PIK3C2G: variants seen among roughly 807,000 people sequenced by gnomAD.
PIK3C2G encodes phosphatidylinositol-4-phosphate 3-kinase catalytic subunit type 2 gamma.
Under a neutral mutation model 181.1 loss-of-function variants are expected in PIK3C2G, and 168 were observed. That is an observed-to-expected ratio of 0.93 (90% CI 0.82 to 1.05). PIK3C2G has a LOEUF of 1.05. PIK3C2G is among the 50% of genes least tolerant of loss of function. PIK3C2G has a pLI of 0.00. For missense variants in PIK3C2G, 1,869 were observed against 1,732.8 expected, an observed-to-expected ratio of 1.08 and a Z score of -1.40; for synonymous variants, 573 against 592.2, an observed-to-expected ratio of 0.97 and a Z score of 0.47.
intron 1 of PIK3C2G, among the ~76,000 whole-genome samples, chr12:18,269,724 C>G (rs747892436): frequency 9.9e-5 from 15 of 151,742 alleles, no homozygotes; most frequent in Admixed American, 6.6e-5. Context: ...ATAATGCTTA[C>G]GCAAAATGGA....
intron 1 of PIK3C2G, among the ~76,000 whole-genome samples, chr12:18,278,499 C>T (rs544837233): frequency 3.3e-4 from 51 of 152,264 alleles, no homozygotes; most frequent in African/African-American, 1.1e-3. Flanking sequence ...AGCCTTAAAT[C>T]CTCTTTGCCA....
chr12:18,609,696 C>A, intron 31 of PIK3C2G, 67 bp downstream of exon 31: 3 of 876,326 alleles, frequency 3.4e-6, no homozygotes, highest in Non-Finnish European at 5.5e-6. Flanking sequence ...CTCCTTTGGG[C>A]AATTAGTGTC....
intron 18 of PIK3C2G, among the ~76,000 whole-genome samples, chr12:18,449,019 G>A (rs1947188063): frequency 1.3e-5 from 2 of 151,948 alleles, no homozygotes; most frequent in Non-Finnish European, 2.9e-5. Flanking sequence ...AGGGATTGCT[G>A]GATCATATGG....
At chr12:18,653,889 G>T in the PIK3C2G span, among the ~76,000 whole-genome samples, 2 of 152,004 alleles carry the variant, frequency 1.3e-5, no homozygotes, top group African/African-American at 2.4e-5. Context: ...TGAGATTATT[G>T]CATGCCCCAA....
At chr12:18,513,607 G>A (rs1942348505) in intron 24 of PIK3C2G, among the ~76,000 whole-genome samples, 1 of 151,586 alleles carries the variant, frequency 6.6e-6, no homozygotes, top group African/African-American at 2.4e-5. Context: ...ATTTTTTAAT[G>A]ATCCTTTCTA....
rs3055219 is a variant in PIK3C2G at position 18,620,244 on chromosome 12, ATCTC to A, written c.4182+10619_4182+10622del. 6.9e-3 allele frequency among the ~76,000 whole-genome samples: 1,054 copies of A among 152,228 alleles called. 6 individuals carry two copies. The highest frequency in any genetic ancestry group is 9.1e-3 in the African/African-American group (378 of 41,534). ...GAATAATTAAGAGAAAGGTATTAAA[ATCTC>A]TCTAATTTTTAATTTGTATAATGTT... On this transcript the variant is annotated intron_variant, in intron 31 of 32. Transcript: ENST00000538779.
At chr12:18,677,423 A>G in the PIK3C2G span, among the ~76,000 whole-genome samples, 2 of 152,212 alleles carry the variant, frequency 1.3e-5, no homozygotes, top group East Asian at 3.9e-4. Context: ...CTCAAATCTG[A>G]GCATGCATCT....
At position 18,580,004 on chromosome 12, in the gene PIK3C2G, G is replaced by A. The variant is rs532228950; in HGVS notation, c.4011+12947G>A. ...AAAAATTAGCCAGGCGTGGTGGCGCGCACCTGTAGTCCCAGCTACTTGGGA... is the reference window on the plus strand; with the variant it reads ...AAAAATTAGCCAGGCGTGGTGGCGCACACCTGTAGTCCCAGCTACTTGGGA... On this transcript the variant is annotated intron_variant, in intron 29 of 32. Transcript: ENST00000538779. 1.2e-4 allele frequency among the ~76,000 whole-genome samples: 18 copies of A among 152,000 alleles called. No individual in the cohort carries two copies. In the East Asian group the frequency reaches 2.3e-3, roughly 20 times the overall value.
intron 8 of PIK3C2G, among the ~76,000 whole-genome samples, chr12:18,337,322 G>A (rs1002316831): frequency 3.3e-5 from 5 of 152,000 alleles, no homozygotes; most frequent in Non-Finnish European, 5.9e-5. Context: ...GATACAGAAC[G>A]GCTAATGAAA....
intron 32 of PIK3C2G, among the ~76,000 whole-genome samples, chr12:18,646,494 G>A (rs1276505363): frequency 6.6e-6 from 1 of 152,064 alleles, no homozygotes; most frequent in Non-Finnish European, 1.5e-5. Context: ...CTAACAGATT[G>A]ACCTGGAACT....
chr12:18,650,151 T>C (rs1950354581), downstream of PIK3C2G, among the ~76,000 whole-genome samples: 2 of 151,946 alleles, frequency 1.3e-5, no homozygotes, highest in East Asian at 3.9e-4. Context: ...AAACTCAGTA[T>C]CCCCAAAAGT....
intron 15 of PIK3C2G, among the ~76,000 whole-genome samples, chr12:18,393,518 A>G: frequency 6.6e-6 from 1 of 151,502 alleles, no homozygotes; most frequent in African/African-American, 2.4e-5. Context: ...TGATATTTGT[A>G]AAAAATAAAA....
intron 30 of PIK3C2G, among the ~76,000 whole-genome samples, chr12:18,607,882 G>A (rs1186175492): frequency 6.6e-6 from 1 of 152,112 alleles, no homozygotes; most frequent in Non-Finnish European, 1.5e-5. Flanking sequence ...ATCAACAAGT[G>A]GGCGAAGAAT....
intron 1 of PIK3C2G, among the ~76,000 whole-genome samples, chr12:18,279,851 A>C (rs530119804): frequency 4.6e-5 from 7 of 152,016 alleles, no homozygotes; most frequent in Non-Finnish European, 8.8e-5. Flanking sequence ...ATTTACATAC[A>C]TCTCTTGAAA....
intron 24 of PIK3C2G, among the ~76,000 whole-genome samples, chr12:18,507,522 T>C (rs1174829382): frequency 6.6e-6 from 1 of 152,200 alleles, no homozygotes; most frequent in Non-Finnish European, 1.5e-5. Flanking sequence ...GTACAGACCA[T>C]GAGAATGTCA....
At chr12:18,639,606 T>G (rs957520584) in intron 31 of PIK3C2G, among the ~76,000 whole-genome samples, 1 of 152,218 alleles carries the variant, frequency 6.6e-6, no homozygotes, top group African/African-American at 2.4e-5. Context: ...TATGATGGTT[T>G]CCAAATTTTT....
chr12:18,552,269 G>A (rs1219019176), intron 26 of PIK3C2G, among the ~76,000 whole-genome samples: 2 of 152,136 alleles, frequency 1.3e-5, no homozygotes, highest in Non-Finnish European at 2.9e-5. Flanking sequence ...CGGCTAGGGT[G>A]TGAGACAAGA....
intron 31 of PIK3C2G, among the ~76,000 whole-genome samples, chr12:18,630,515 G>C (rs1350379687): frequency 7.9e-5 from 12 of 152,130 alleles, no homozygotes; most frequent in Admixed American, 7.9e-4. Context: ...AGAAAGAAGG[G>C]TCTAGGATGG....
chr12:18,353,220 C>G (rs1226695282), intron 11 of PIK3C2G, among the ~76,000 whole-genome samples: 1 of 152,072 alleles, frequency 6.6e-6, no homozygotes, highest in Non-Finnish European at 1.5e-5. Flanking sequence ...AGATTCCTCC[C>G]TAAAGTTTAC....
Sources: gnomAD v4.1 joint callset for allele counts (sites outside exome capture counted in the v4.1 genomes callset) on GRCh38, gnomAD v4.1.1 for gene constraint, MANE v1.5 for transcripts, NCBI Gene and HGNC (gene_info 2026-07-23, HGNC 2026-07-21) for gene names.